The following RXFP2 variants were observed in gnomAD, a reference collection of about 807,000 sequenced individuals.
The protein encoded by RXFP2 is relaxin receptor 2.
A neutral mutation model predicts 88.6 loss-of-function variants in RXFP2; 68 were observed. That is an observed-to-expected ratio of 0.77 (90% CI 0.63 to 0.94). The LOEUF (loss-of-function observed/expected upper bound fraction) is 0.94, where lower values mean the gene tolerates loss of function less well. RXFP2 is among the 40% of genes least tolerant of loss of function. RXFP2 has a pLI of 0.00. For synonymous variants in RXFP2, 329 were observed against 306.8 expected (o/e 1.07, Z -0.76); for missense variants, 791 against 893.9 (o/e 0.88, Z 1.47).
Position 31,744,942 on chromosome 13 carries a change from G to A in RXFP2, c.94+5236G>A, listed in dbSNP as rs149997436. ...CCAGCACTTTGGGAGGCTGAGGTGGGCAGATCGCCTGAGGTCAGAAGTTTG... is the reference window on the plus strand; with the variant it reads ...CCAGCACTTTGGGAGGCTGAGGTGGACAGATCGCCTGAGGTCAGAAGTTTG... On this transcript the variant is annotated intron_variant, in intron 1 of 17. Transcript: ENST00000298386. Among the ~76,000 whole-genome samples the A allele has an allele frequency of 4.5e-3, 685 of 152,206 alleles. 4 individuals are homozygous for A. The highest frequency in any genetic ancestry group is 0.016 in the African/African-American group (671 of 41,536).
chr13:31,763,717 C>G (rs1872410112), intron 3 of RXFP2, among the ~76,000 whole-genome samples: 1 of 152,130 alleles, frequency 6.6e-6, no homozygotes, highest in South Asian at 2.1e-4. Context: ...AGTTAATGCT[C>G]ACATTTCTGG....
chr13:31,761,548 A>C (rs1872302137), intron 2 of RXFP2, among the ~76,000 whole-genome samples, 176 bp from the exon 3 acceptor site: 1 of 152,258 alleles, frequency 6.6e-6, no homozygotes, highest in Non-Finnish European at 1.5e-5. Context: ...TTCATGTAAA[A>C]AAGGGACACC....
intron 1 of RXFP2, among the ~76,000 whole-genome samples, chr13:31,754,741 A>T (rs1460808418): frequency 1.3e-5 from 2 of 152,248 alleles, no homozygotes; most frequent in African/African-American, 2.4e-5. Flanking sequence ...TATCATTTAC[A>T]GTCCTCCTTC....
chr13:31,743,750 A>T (rs557762549), intron 1 of RXFP2, among the ~76,000 whole-genome samples: 1 of 149,448 alleles, frequency 6.7e-6, no homozygotes, highest in South Asian at 2.1e-4. Context: ...TCGCCCTCCT[A>T]CCCCCATCCC....
At chr13:31,801,701 G>C (rs1247513948) in intron 17 of RXFP2, among the ~76,000 whole-genome samples, 1 of 152,126 alleles carries the variant, frequency 6.6e-6, no homozygotes, top group Non-Finnish European at 1.5e-5. Flanking sequence ...CAGAACACCA[G>C]GGCAGGGCAA....
intron 5 of RXFP2, among the ~76,000 whole-genome samples, chr13:31,769,614 G>T (rs776064925): frequency 6.6e-6 from 1 of 152,118 alleles, no homozygotes; most frequent in African/African-American, 2.4e-5. Flanking sequence ...GGAAGAACTC[G>T]CATCCCTTTC....
At chr13:31,754,227 A>C (rs1871817096) in intron 1 of RXFP2, among the ~76,000 whole-genome samples, 1 of 152,182 alleles carries the variant, frequency 6.6e-6, no homozygotes, top group Non-Finnish European at 1.5e-5. Context: ...AGTTAGGTCC[A>C]GCCCTCAAAG....
chr13:31,789,469 A>G (rs1195665347), intron 14 of RXFP2, among the ~76,000 whole-genome samples: 2 of 152,194 alleles, frequency 1.3e-5, no homozygotes, highest in Non-Finnish European at 2.9e-5. Flanking sequence ...ACACAAGATG[A>G]AGTCACTGGC....
Position 31,802,136 on chromosome 13 carries a change from C to T in RXFP2, c.2006-10C>T. On this transcript the variant is annotated splice_polypyrimidine_tract_variant and intron_variant, in intron 17 of 17. Transcript: ENST00000298386. Reference sequence around the variant, plus strand: ...TCAACTTTTTTTTCACACTTTGCTTCCTTTTCCAGACACAATGACTTCCTG... The same window carrying T: ...TCAACTTTTTTTTCACACTTTGCTTTCTTTTCCAGACACAATGACTTCCTG... 1 of 1,613,678 alleles carries T rather than the reference C, an allele frequency of 6.2e-7. No homozygotes were observed. The highest frequency in any genetic ancestry group is 2.2e-5 in the East Asian group (1 of 44,850).
intron 7 of RXFP2, among the ~76,000 whole-genome samples, chr13:31,776,496 A>G (rs1374182828): frequency 1.3e-5 from 2 of 151,880 alleles, no homozygotes; most frequent in African/African-American, 2.4e-5. Flanking sequence ...CCTGAGCTCA[A>G]GCGATCTGCC....
chr13:31,740,320 C>G (rs1871180159), intron 1 of RXFP2, among the ~76,000 whole-genome samples: 1 of 151,940 alleles, frequency 6.6e-6, no homozygotes, highest in South Asian at 2.1e-4. Context: ...CATTGTAAAG[C>G]TCACCAAAAA....
intron 5 of RXFP2, among the ~76,000 whole-genome samples, chr13:31,769,049 G>T (rs755609470): frequency 1.3e-5 from 2 of 152,148 alleles, no homozygotes; most frequent in Non-Finnish European, 2.9e-5. Context: ...CTCCTGTGAT[G>T]AATATTTATT....
At chr13:31,793,877 C>T (rs945474900) in intron 16 of RXFP2, among the ~76,000 whole-genome samples, 3 of 152,178 alleles carry the variant, frequency 2.0e-5, no homozygotes, top group African/African-American at 7.2e-5. Context: ...CTTCCAGTCT[C>T]TACCCACTGC....
chr13:31,777,107 A>G (rs1873023638), intron 7 of RXFP2, among the ~76,000 whole-genome samples: 1 of 152,188 alleles, frequency 6.6e-6, no homozygotes, highest in African/African-American at 2.4e-5. Context: ...GGTGACAGAT[A>G]CAACCTGGGT....
rs776941568 is a variant in RXFP2, at chr13:31,758,241, C to T, written c.95-17C>T. 3.1e-6 allele frequency: 5 copies of T among 1,613,812 alleles called. No individual in the cohort carries two copies. The Admixed American group carries it at 5.0e-5, about 16-fold the overall frequency. ...TGGCCATGGTAACACTTTGTTTTTG[C>T]CCCTTCTTTCATGTAGATTTTGCAC... On this transcript the variant is annotated splice_polypyrimidine_tract_variant and intron_variant, in intron 1 of 17. Coordinates refer to ENST00000298386, the MANE Select transcript of RXFP2 (RefSeq NM_130806.5).
intron 3 of RXFP2, among the ~76,000 whole-genome samples, chr13:31,763,999 C>T (rs915462360): frequency 2.0e-5 from 3 of 151,992 alleles, no homozygotes; most frequent in African/African-American, 7.2e-5. Flanking sequence ...TAATAAAATT[C>T]AGTAAAATTT....
At chr13:31,771,071 G>C (rs1324012) in intron 5 of RXFP2, among the ~76,000 whole-genome samples, 1 of 152,126 alleles carries the variant, frequency 6.6e-6, no homozygotes, top group African/African-American at 2.4e-5. Context: ...AGCGTATGCC[G>C]GAGAGGTCAC....
At chr13:31,765,507 C>T (rs1418907915) in intron 4 of RXFP2, among the ~76,000 whole-genome samples, 1 of 151,866 alleles carries the variant, frequency 6.6e-6, no homozygotes, top group African/African-American at 2.4e-5. Flanking sequence ...CTATCCAAGA[C>T]TGCAAAGATA....
chr13:31,743,598 A>G (rs376259440), intron 1 of RXFP2, among the ~76,000 whole-genome samples: 14 of 150,624 alleles, frequency 9.3e-5, no homozygotes, highest in African/African-American at 3.2e-4. Context: ...CCCCCTTCCC[A>G]CTGTTCTGAC....
Sources: gnomAD v4.1 joint callset for allele counts (sites outside exome capture counted in the v4.1 genomes callset) on GRCh38, gnomAD v4.1.1 for gene constraint, MANE v1.5 for transcripts, NCBI Gene and HGNC (gene_info 2026-07-23, HGNC 2026-07-21) for gene names.